Variants in SEC31A observed in about 807,000 individuals in gnomAD.
The protein encoded by SEC31A is SEC31 homolog A, COPII component.
In SEC31A, 70 loss-of-function variants were observed where a neutral mutation model predicts 151.0. That is an observed-to-expected ratio of 0.46 (90% CI 0.38 to 0.57). The LOEUF (loss-of-function observed/expected upper bound fraction) is 0.57. Among genes scored for constraint, SEC31A ranks in the 20% least tolerant of loss-of-function variants. The pLI is 0.00. For synonymous variants in SEC31A, 475 were observed against 505.9 expected (o/e 0.94, Z 0.82); for missense variants, 1,330 against 1,471.2 (o/e 0.90, Z 1.57).
chr4:82,855,639 G>C (rs1191310064), intron 16 of SEC31A, among the ~76,000 whole-genome samples: 2 of 152,174 alleles, frequency 1.3e-5, no homozygotes, highest in African/African-American at 4.8e-5. Flanking sequence ...GTCCTTTGCA[G>C]GGACATGGAT....
chr4:82,863,266 T>G (rs1320538424), intron 12 of SEC31A, 52 bp downstream of exon 12: 3 of 1,044,578 alleles, frequency 2.9e-6, no homozygotes, highest in Non-Finnish European at 4.3e-6. Context: ...ACTTTATTTT[T>G]TAAAAGTATG....
intron 3 of SEC31A, 50 bp from the exon 4 acceptor site, chr4:82,878,978 T>G: frequency 7.0e-7 from 1 of 1,429,070 alleles, no homozygotes. Flanking sequence ...CAAATAAATG[T>G]AGACAAAAAA....
chr4:82,830,126 ACAGATCTT>A (rs1266546345), intron 22 of SEC31A, among the ~76,000 whole-genome samples: 2 of 152,238 alleles, frequency 1.3e-5, no homozygotes, highest in Admixed American at 1.3e-4. Context: ...TTTAAAAAAT[ACAGATCTT>A]CAACTAACCA....
intron 1 of SEC31A, among the ~76,000 whole-genome samples, chr4:82,883,925 AT>A (rs1739977274): frequency 6.8e-6 from 1 of 147,664 alleles, no homozygotes; most frequent in South Asian, 2.1e-4. Flanking sequence ...GGGTAAACAT[AT>A]TTCCTTTTCT....
chr4:82,869,054 G>A (rs2045480), intron 8 of SEC31A, among the ~76,000 whole-genome samples: 32,042 of 152,082 alleles, frequency 0.21, 3,459 homozygotes, highest in South Asian at 0.34. Flanking sequence ...GATAAGATGT[G>A]TGGTTTGATA....
intron 6 of SEC31A, among the ~76,000 whole-genome samples, chr4:82,874,108 A>G (rs576095409): frequency 6.6e-6 from 1 of 152,180 alleles, no homozygotes; most frequent in Admixed American, 6.5e-5. Flanking sequence ...GACCAGCCAG[A>G]CCAACATGGT....
intron 12 of SEC31A, 22 bp downstream of exon 12, chr4:82,863,296 T>C: frequency 7.1e-7 from 1 of 1,409,550 alleles, no homozygotes; most frequent in South Asian, 1.2e-5. Context: ...GAGCATGCCA[T>C]CTAACTTTCC....
intron 1 of SEC31A, among the ~76,000 whole-genome samples, chr4:82,889,779 A>T (rs1339487795): frequency 4.6e-5 from 7 of 152,174 alleles, no homozygotes; most frequent in African/African-American, 1.7e-4. Context: ...CAAATTTCAA[A>T]TTTCACAAAT....
chr4:82,886,056 AT>A (rs57960857), intron 1 of SEC31A, among the ~76,000 whole-genome samples: 71,740 of 152,076 alleles, frequency 0.47, 19,950 homozygotes, highest in Admixed American at 0.62. Flanking sequence ...CAGAGCCAAG[AT>A]TGGAACTTGC....
At position 82,853,738 on chromosome 4, in the gene SEC31A, A is replaced by G. The variant is rs200924091; in HGVS notation, c.2009-23T>C. ...GATCTGTAAGTAAGAGGAAAATAAAATAAGATTATACCCAAGGCAATCTGT... is the reference window on the plus strand; with the variant it reads ...GATCTGTAAGTAAGAGGAAAATAAAGTAAGATTATACCCAAGGCAATCTGT... On this transcript the variant is annotated intron_variant, in intron 17 of 26. Coordinates refer to ENST00000395310, the MANE Select transcript of SEC31A (RefSeq NM_001077207.4). 7 of 1,590,186 alleles carry G rather than the reference A, an allele frequency of 4.4e-6. No individual in the cohort carries two copies. The Admixed American group carries it at 9.3e-5, about 21-fold the overall frequency.
Position 82,871,951 on chromosome 4 carries a change from G to A in SEC31A, c.775C>T (p.His259Tyr). 1.2e-6 allele frequency: 2 copies of A among 1,614,084 alleles called. No homozygotes were observed. Among genetic ancestry groups the A allele is most frequent in the Non-Finnish European group, 1.7e-6 (2 of 1,179,984 alleles). ...ASSPLRVLEN[H>Y]ARGILAIAWS... is the part of the protein sequence containing the mutation. ...GTAACAGCAGCACGATACCTGGCAT[G>A]GTTTTCCAGGACACGAAGTGGAGAG... Residue 259 changes from histidine to tyrosine, a missense_variant, in exon 7 of 27, where the codon CAT becomes TAT. His to Tyr is a moderately conservative substitution (Grantham distance 83). Coordinates refer to ENST00000395310, the MANE Select transcript of SEC31A (RefSeq NM_001077207.4).
At chr4:82,867,715 C>T (rs1257162830) in intron 8 of SEC31A, among the ~76,000 whole-genome samples, 1 of 152,166 alleles carries the variant, frequency 6.6e-6, no homozygotes, top group Non-Finnish European at 1.5e-5. Context: ...TCACTGCAAC[C>T]TCCACCTCCT....
chr4:82,864,643 T>C (rs897780421), intron 10 of SEC31A, 45 bp from the exon 11 acceptor site: 4 of 1,551,186 alleles, frequency 2.6e-6, no homozygotes, highest in Non-Finnish European at 3.5e-6. Flanking sequence ...CCCAAGGATA[T>C]GGCCAAAAAA....
In SEC31A at chr4:82,837,182, TATATATATATATATATA is replaced by T. The variant is rs1460314814; in HGVS notation, c.2968+4941_2968+4957del. Among the ~76,000 whole-genome samples the T allele has an allele frequency of 1.8e-3, 96 of 52,272 alleles. 3 individuals are homozygous for T. Among genetic ancestry groups the T allele is most frequent in the Middle Eastern group, 0.011 (1 of 88 alleles). 34.3% of individuals were successfully genotyped at this position (52,272 alleles called of 152,430 possible). ...TCATATATATATATATATATATATATATATATATATATATATAATTTCACCACAATAAAAACTTTAAT... is the reference window on the plus strand; with the variant it reads ...TCATATATATATATATATATATATATATTTCACCACAATAAAAACTTTAAT... On this transcript the variant is annotated intron_variant, in intron 22 of 26. Coordinates refer to ENST00000395310, the MANE Select transcript of SEC31A (RefSeq NM_001077207.4).
rs765562440 is a variant in SEC31A, at chr4:82,857,776, A to G, written c.1627-12T>C. On this transcript the variant is annotated splice_polypyrimidine_tract_variant and intron_variant, in intron 14 of 26. Transcript: ENST00000395310. Reference sequence around the variant, plus strand: ...TCCTCTTTAATGTGCTAAAGAGATGAAAAAAGCAACAATTTAGCCAGAATA... The same window carrying G: ...TCCTCTTTAATGTGCTAAAGAGATGGAAAAAGCAACAATTTAGCCAGAATA... 2 of 1,533,592 alleles carry G rather than the reference A, an allele frequency of 1.3e-6. No homozygotes were observed. The highest frequency in any genetic ancestry group is 1.1e-5 in the South Asian group (1 of 87,032). 95.0% of individuals were successfully genotyped at this position (1,533,592 alleles called of 1,614,324 possible). A position where few individuals can be genotyped will look rare whatever the true frequency, so the allele number is the denominator to read the frequency against.
intron 21 of SEC31A, among the ~76,000 whole-genome samples, chr4:82,843,167 G>A (rs1486655143): frequency 6.7e-6 from 1 of 148,610 alleles, no homozygotes; most frequent in Non-Finnish European, 1.5e-5. Context: ...GTCTTGCTGT[G>A]TCACCCAAAC....
intron 22 of SEC31A, among the ~76,000 whole-genome samples, chr4:82,834,158 C>G (rs1027902509): frequency 6.6e-6 from 1 of 152,176 alleles, no homozygotes; most frequent in Non-Finnish European, 1.5e-5. Context: ...CGGTGAGTCA[C>G]TGTGTGTGCA....
Position 82,855,033 on chromosome 4 carries a change from G to A in SEC31A, c.1882-4C>T. ...TCATCACCACTGCAGTGATGAGCTT[G>A]AGAAACGAAAACAAAGGAAGAATTA... On this transcript the variant is annotated splice_region_variant and splice_polypyrimidine_tract_variant and intron_variant, in intron 16 of 26. Coordinates refer to ENST00000395310, the MANE Select transcript of SEC31A (RefSeq NM_001077207.4). 1 of 1,586,914 alleles carries A rather than the reference G, an allele frequency of 6.3e-7. No homozygotes were observed.
intron 26 of SEC31A, among the ~76,000 whole-genome samples, chr4:82,820,736 T>C (rs1177940987): frequency 6.6e-6 from 1 of 152,132 alleles, no homozygotes; most frequent in Non-Finnish European, 1.5e-5. Context: ...CTGGGCCATA[T>C]AAAAGGAACA....
Sources: allele counts gnomAD v4.1 joint callset (sites outside exome capture counted in the v4.1 genomes callset), GRCh38; gene constraint gnomAD v4.1.1; transcripts MANE v1.5; gene names NCBI Gene and HGNC (gene_info 2026-07-23, HGNC 2026-07-21).